Variants in GMPS observed in about 807,000 individuals in gnomAD.
GMPS encodes guanosine monophosphate synthase, also known as GMP synthase [glutamine-hydrolyzing].
GMPS carries 15 observed loss-of-function variants against 77.9 expected under a neutral mutation model. The ratio of observed to expected loss-of-function variants is 0.19; its 90% CI spans 0.13 to 0.30. The LOEUF is 0.30. Among genes scored for constraint, GMPS ranks in the 10% least tolerant of loss-of-function variants. GMPS has a pLI of 1.00. For missense variants in GMPS, 590 were observed against 838.8 expected, an observed-to-expected ratio of 0.70 and a Z score of 3.66; for synonymous variants, 224 against 275.9, an observed-to-expected ratio of 0.81 and a Z score of 1.86.
rs886187258 is a variant in GMPS at position 155,916,644 on chromosome 3, T to G, written c.1212+452T>G. ...ATAATATTCCATCTTATGGGTATAA[T>G]GCATTGTATTTATCCTTTGATCAGC... On this transcript the variant is annotated intron_variant, in intron 9 of 15. Transcript: ENST00000496455. 2.0e-5 allele frequency among the ~76,000 whole-genome samples: 3 copies of G among 152,340 alleles called. No homozygotes were observed. The South Asian group carries it at 6.2e-4, about 32-fold the overall frequency.
chr3:155,877,503 CA>C (rs201604107), intron 1 of GMPS, among the ~76,000 whole-genome samples: 9 of 150,952 alleles, frequency 6.0e-5, no homozygotes, highest in African/African-American at 1.2e-4. Context: ...TCCCTCCTCC[CA>C]AAAAAAAACC....
chr3:155,941,402 C>CAAAAAA lies in GMPS; in HGVS notation c.*3721_*3726dup. 1.3e-5 allele frequency: 2 copies of CAAAAAA among 156,322 alleles called. No homozygotes were observed. Among genetic ancestry groups the CAAAAAA allele is most frequent in the East Asian group, 1.1e-4 (1 of 9,406 alleles). 9.7% of individuals were successfully genotyped at this position (156,322 alleles called of 1,614,324 possible). A position where few individuals can be genotyped will look rare whatever the true frequency, so the allele number is the denominator to read the frequency against. On this transcript the variant is annotated 3_prime_UTR_variant, in exon 16 of 16. Transcript: ENST00000496455. ...CTGGTGAAAGAGCGAGACTCAGTCT[C>CAAAAAA]AAAAAAAAAAAAAAAAGGAAGTTCT...
At chr3:155,902,669 G>T (rs1380726973) in intron 3 of GMPS, among the ~76,000 whole-genome samples, 2 of 152,178 alleles carry the variant, frequency 1.3e-5, no homozygotes, top group East Asian at 3.8e-4. Context: ...TGCTGTAGAT[G>T]CTAGAGGGCT....
chr3:155,903,698 T>C (rs1398104874), intron 3 of GMPS, among the ~76,000 whole-genome samples, 165 bp from the exon 4 acceptor site: 2 of 152,238 alleles, frequency 1.3e-5, no homozygotes, highest in Non-Finnish European at 2.9e-5. Context: ...TGTATAGTTA[T>C]ATATAACAAT....
At chr3:155,882,624 T>C (rs1334328425) in intron 1 of GMPS, among the ~76,000 whole-genome samples, 1 of 152,266 alleles carries the variant, frequency 6.6e-6, no homozygotes, top group East Asian at 1.9e-4. Context: ...AGTAAATTTC[T>C]AGACAAATGA....
rs74974277 is a variant in GMPS at position 155,898,583 on chromosome 3, T to C, written c.324+542T>C. 5.5e-3 allele frequency among the ~76,000 whole-genome samples: 840 copies of C among 152,348 alleles called. 2 individuals carry two copies. The highest frequency in any genetic ancestry group is 0.015 in the South Asian group (71 of 4,830). On this transcript the variant is annotated intron_variant, in intron 3 of 15. Transcript: ENST00000496455. ...ACAGATCAGTCAGGACTATGTGTTG[T>C]TTTTAGTTGTTGTTTCTTTAGACTC...
At chr3:155,880,708 T>C (rs1280044292) in intron 1 of GMPS, among the ~76,000 whole-genome samples, 1 of 152,182 alleles carries the variant, frequency 6.6e-6, no homozygotes, top group East Asian at 1.9e-4. Context: ...TTGGTATTGG[T>C]GCAGTATTTT....
In GMPS at chr3:155,870,694, C is replaced by A. The variant is rs981681989; in HGVS notation, c.-177C>A. 1.7e-5 allele frequency: 9 copies of A among 521,634 alleles called. No homozygotes were observed. The East Asian group carries it at 3.2e-4, about 18-fold the overall frequency. The allele number at this position is 521,634 out of a possible 1,614,324, so 32.3% of individuals were successfully genotyped here. On this transcript the variant is annotated 5_prime_UTR_variant, in exon 1 of 16. Coordinates refer to ENST00000496455, the MANE Select transcript of GMPS (RefSeq NM_003875.3). ...TTCTCTCCCGCGGCGCTGGGGCCCG[C>A]GCTCCGCTGCTGTTGCTCCATTCGG...
At chr3:155,876,837 T>C (rs1344528250) in intron 1 of GMPS, among the ~76,000 whole-genome samples, 1 of 152,212 alleles carries the variant, frequency 6.6e-6, no homozygotes, top group African/African-American at 2.4e-5. Flanking sequence ...GTGTCATTAA[T>C]TACCTGTGTT....
At chr3:155,891,657 A>G (rs1489517832) in intron 1 of GMPS, among the ~76,000 whole-genome samples, 2 of 149,194 alleles carry the variant, frequency 1.3e-5, no homozygotes, top group South Asian at 2.1e-4. Context: ...CCCAGGCTGA[A>G]GTGCAATGGC....
At chr3:155,922,413 T>C in intron 11 of GMPS, 111 bp downstream of exon 11, 1 of 526,930 alleles carries the variant, frequency 1.9e-6, no homozygotes, top group Non-Finnish European at 3.3e-6. Context: ...TGGTGTAATA[T>C]AACCTTTGAA....
intron 1 of GMPS, among the ~76,000 whole-genome samples, chr3:155,885,854 G>A (rs1218745466): frequency 1.3e-5 from 2 of 152,202 alleles, no homozygotes; most frequent in East Asian, 3.9e-4. Context: ...ATCTCGCTCT[G>A]TCACAGCCCA....
At chr3:155,906,287 G>C in intron 5 of GMPS, 24 bp downstream of exon 5, 1 of 1,466,618 alleles carries the variant, frequency 6.8e-7, no homozygotes, top group Non-Finnish European at 9.5e-7. Flanking sequence ...AAATTTTGCA[G>C]AGTTCATTTA....
At chr3:155,893,490 G>T (rs762998928) in intron 1 of GMPS, 28 bp from the exon 2 acceptor site, 1 of 1,475,122 alleles carries the variant, frequency 6.8e-7, no homozygotes, top group East Asian at 2.4e-5. Context: ...TCATAATTAA[G>T]ACTTTGTATT....
At chr3:155,909,778 C>A (rs181054513) in intron 5 of GMPS, among the ~76,000 whole-genome samples, 6 of 151,566 alleles carry the variant, frequency 4.0e-5, no homozygotes, top group Admixed American at 3.3e-4. Flanking sequence ...CCCATCTCTT[C>A]AAAATATTTA....
intron 12 of GMPS, 78 bp from the exon 13 acceptor site, chr3:155,931,681 TTTAAAA>T: frequency 1.8e-6 from 1 of 554,448 alleles, no homozygotes; most frequent in East Asian, 3.3e-5. Context: ...TTCTTTTTTT[TTTAAAA>T]AAAAAAAAAA....
rs201604107 is a variant in GMPS at position 155,877,503 on chromosome 3, C to CA, written c.27+6615dup. On this transcript the variant is annotated intron_variant, in intron 1 of 15. Coordinates refer to ENST00000496455, the MANE Select transcript of GMPS (RefSeq NM_003875.3). ...AAAAAAACATTCTCATCCCTCCTCC[C>CA]AAAAAAAAACCTCTACCCTTCAGCA... Among the ~76,000 whole-genome samples the CA allele has an allele frequency of 1.4e-4, 21 of 151,078 alleles. No individual in the cohort carries two copies. The East Asian group carries it at 1.5e-3, about 11-fold the overall frequency.
At chr3:155,920,604 A>G (rs1755296922) in intron 10 of GMPS, among the ~76,000 whole-genome samples, 4 of 151,262 alleles carry the variant, frequency 2.6e-5, no homozygotes, top group Non-Finnish European at 4.4e-5. Context: ...AAAAAAAAAG[A>G]AAAGAATGAT....
chr3:155,903,314 G>A (rs368815795), intron 3 of GMPS, among the ~76,000 whole-genome samples: 3 of 152,322 alleles, frequency 2.0e-5, no homozygotes, highest in South Asian at 2.1e-4. Flanking sequence ...GTCGATAAGC[G>A]TATGGGACTT....
Sources: allele counts gnomAD v4.1 joint callset (sites outside exome capture counted in the v4.1 genomes callset), GRCh38; gene constraint gnomAD v4.1.1; transcripts MANE v1.5; gene names NCBI Gene and HGNC (gene_info 2026-07-23, HGNC 2026-07-21).